NCKAP5: variants seen among roughly 807,000 people sequenced by gnomAD.
NCKAP5 encodes the protein NCK associated protein 5.
A neutral mutation model predicts 167.0 loss-of-function variants in NCKAP5; 92 were observed. The ratio of observed to expected loss-of-function variants is 0.55; its 90% CI spans 0.47 to 0.66. The LOEUF (loss-of-function observed/expected upper bound fraction) is 0.66, where lower values mean the gene tolerates loss of function less well. NCKAP5 is among the 30% of genes least tolerant of loss of function. The pLI, the probability that NCKAP5 is intolerant of heterozygous loss-of-function variation, is 0.00. For missense variants in NCKAP5, 2,378 were observed against 2,315.0 expected (o/e 1.03, Z -0.56); for synonymous variants, 891 against 877.4 (o/e 1.02, Z -0.27).
chr2:133,563,818 C>T (rs1041380422), intron 1 of NCKAP5, among the ~76,000 whole-genome samples: 10 of 151,870 alleles, frequency 6.6e-5, no homozygotes, highest in Non-Finnish European at 1.2e-4. Context: ...ATCCAGAAAG[C>T]GGTAAAATGA....
chr2:133,204,764 C>T lies in NCKAP5; in HGVS notation c.207+8952G>A, dbSNP rs114294231. On this transcript the variant is annotated intron_variant, in intron 5 of 19. Transcript: ENST00000409261. ...TTCCATTTCTACATATCCTTGCCTA[C>T]TGATGTTTTCAGACTTCTAAAGTTT... is the stretch of plus-strand genomic sequence containing the variant. Among the ~76,000 whole-genome samples the T allele has an allele frequency of 9.5e-3, 1,453 of 152,288 alleles. 25 individuals are homozygous for T. The highest frequency in any genetic ancestry group is 0.033 in the African/African-American group (1,390 of 41,552).
rs2080215312 is a variant in NCKAP5 at position 133,066,817 on chromosome 2, TACC to T, written c.341+63158_341+63160del. On this transcript the variant is annotated intron_variant, in intron 6 of 19. Transcript: ENST00000409261. ...AAATGTTAAAATCAAAGCTAACTTC[TACC>T]ACAAGTGACCTCTCCTTGGTATGAT... Among the ~76,000 whole-genome samples the T allele has an allele frequency of 3.9e-5, 6 of 152,322 alleles. No homozygotes were observed. In the South Asian group the frequency reaches 1.2e-3, roughly 32 times the overall value.
the NCKAP5 span, among the ~76,000 whole-genome samples, chr2:133,619,586 G>C: frequency 2.0e-5 from 3 of 151,894 alleles, no homozygotes; most frequent in African/African-American, 7.2e-5. Flanking sequence ...AAGAAGCTTG[G>C]GACTTTGTCT....
the NCKAP5 span, among the ~76,000 whole-genome samples, chr2:133,590,120 G>C: frequency 6.6e-6 from 1 of 152,264 alleles, no homozygotes; most frequent in East Asian, 1.9e-4. Context: ...CCCAAGGAGT[G>C]TCCACTTGGC....
chr2:133,395,523 A>G (rs190678324), intron 3 of NCKAP5, among the ~76,000 whole-genome samples: 50 of 152,292 alleles, frequency 3.3e-4, no homozygotes, highest in African/African-American at 1.1e-3. Context: ...AAATATTTTG[A>G]GTGAATTCTT....
intron 8 of NCKAP5, among the ~76,000 whole-genome samples, chr2:132,899,736 G>A (rs1458820069): frequency 6.6e-6 from 1 of 152,080 alleles, no homozygotes; most frequent in Non-Finnish European, 1.5e-5. Flanking sequence ...ATTAAGCATT[G>A]TGGTGTCACA....
At chr2:132,711,699 G>A (rs1688857769) in intron 19 of NCKAP5, among the ~76,000 whole-genome samples, 1 of 151,930 alleles carries the variant, frequency 6.6e-6, no homozygotes, top group Non-Finnish European at 1.5e-5. Flanking sequence ...GTGTAATACT[G>A]TGCAACCCAG....
At chr2:132,989,626 T>A (rs1411247485) in intron 7 of NCKAP5, among the ~76,000 whole-genome samples, 2 of 152,180 alleles carry the variant, frequency 1.3e-5, no homozygotes, top group African/African-American at 4.8e-5. Flanking sequence ...ATTTTATAGC[T>A]TGTTAATATA....
At chr2:133,531,271 A>T (rs2104828271) in intron 2 of NCKAP5, among the ~76,000 whole-genome samples, 1 of 152,308 alleles carries the variant, frequency 6.6e-6, no homozygotes, top group Admixed American at 6.5e-5. Context: ...TATTGCATTA[A>T]TAAATTACTT....
At chr2:133,468,767 G>A (rs1692804967) in intron 3 of NCKAP5, among the ~76,000 whole-genome samples, 2 of 152,142 alleles carry the variant, frequency 1.3e-5, no homozygotes, top group African/African-American at 4.8e-5. Context: ...TTATGTAATG[G>A]CCATCTTTGT....
the NCKAP5 span, among the ~76,000 whole-genome samples, chr2:133,609,312 C>T: frequency 3.9e-5 from 6 of 152,156 alleles, no homozygotes; most frequent in African/African-American, 1.4e-4. Context: ...ATAGAGAAGG[C>T]ACATGGCAAA....
chr2:133,648,795 T>A, the NCKAP5 span, among the ~76,000 whole-genome samples: 1 of 151,484 alleles, frequency 6.6e-6, no homozygotes, highest in Non-Finnish European at 1.5e-5. Flanking sequence ...TATAATGTAT[T>A]TAAAAAGAAG....
rs144157700 is a variant in NCKAP5, at chr2:133,210,009, A to G, written c.207+3707T>C. 1.6e-4 allele frequency among the ~76,000 whole-genome samples: 24 copies of G among 151,932 alleles called. 1 individual carries two copies. In the East Asian group the frequency reaches 1.9e-3, roughly 12 times the overall value. ...GTGAAACCCCATCACTACTAAAAAT[A>G]CAAAAATGAGCTGGGTGTGGTGGTG... On this transcript the variant is annotated intron_variant, in intron 5 of 19. Coordinates refer to ENST00000409261, the MANE Select transcript of NCKAP5 (RefSeq NM_207363.3).
At chr2:133,142,032 A>G (rs2083018965) in intron 5 of NCKAP5, among the ~76,000 whole-genome samples, 1 of 152,214 alleles carries the variant, frequency 6.6e-6, no homozygotes, top group South Asian at 2.1e-4. Context: ...ACCAAATATT[A>G]AAGAATTAGA....
rs542154946 is a variant in NCKAP5 at position 133,386,738 on chromosome 2, G to A, written c.70-83628C>T. On this transcript the variant is annotated intron_variant, in intron 3 of 19. Coordinates refer to ENST00000409261, the MANE Select transcript of NCKAP5 (RefSeq NM_207363.3). The stretch of plus-strand genomic sequence containing the variant: ...TTATGAATCTGGGTGCTCCTGTATT[G>A]GGTGCATATGTATTTAGGATAGTTA... 2.6e-3 allele frequency among the ~76,000 whole-genome samples: 392 copies of A among 152,244 alleles called. 1 individual carries two copies. Among genetic ancestry groups the A allele is most frequent in the Non-Finnish European group, 4.6e-3 (310 of 68,022 alleles).
At chr2:133,190,293 G>A (rs1054208507) in intron 5 of NCKAP5, among the ~76,000 whole-genome samples, 5 of 152,206 alleles carry the variant, frequency 3.3e-5, no homozygotes, top group African/African-American at 1.2e-4. Context: ...ACAAATGGAA[G>A]AACATTCCAT....
chr2:133,366,426 C>G (rs1490972288), intron 3 of NCKAP5, among the ~76,000 whole-genome samples: 9 of 152,060 alleles, frequency 5.9e-5, no homozygotes, highest in Non-Finnish European at 1.2e-4. Context: ...CCTCAACCTC[C>G]CGAGTAGCTG....
chr2:132,828,682 G>A (rs1156302978), intron 11 of NCKAP5, among the ~76,000 whole-genome samples: 9 of 152,198 alleles, frequency 5.9e-5, no homozygotes, highest in Admixed American at 4.6e-4. Flanking sequence ...TGGACCACAA[G>A]GAGTGTACAA....
chr2:133,400,809 AT>A (rs533230555), intron 3 of NCKAP5, among the ~76,000 whole-genome samples: 3 of 151,960 alleles, frequency 2.0e-5, no homozygotes, highest in Non-Finnish European at 2.9e-5. Flanking sequence ...AAAAATGCTG[AT>A]TTTTTTTCTT....
Sources: gnomAD v4.1 joint callset for allele counts (sites outside exome capture counted in the v4.1 genomes callset) on GRCh38, gnomAD v4.1.1 for gene constraint, MANE v1.5 for transcripts, NCBI Gene and HGNC (gene_info 2026-07-23, HGNC 2026-07-21) for gene names.